The following RBFOX1 variants were observed in gnomAD, a reference collection of about 807,000 sequenced individuals.
The protein encoded by RBFOX1 is RNA binding fox-1 homolog 1.
A neutral mutation model predicts 57.7 loss-of-function variants in RBFOX1; 8 were observed. The observed-to-expected ratio is 0.14, with a 90% CI of 0.08 to 0.25. RBFOX1 has a LOEUF of 0.25. Among genes scored for constraint, RBFOX1 ranks in the 10% least tolerant of loss-of-function variants. The probability of loss-of-function intolerance (pLI) is 1.00; values close to 1 mark genes in which losing one functional copy is unlikely to be tolerated. For missense variants in RBFOX1, 611 were observed against 548.5 expected (o/e 1.11, Z -1.14); for synonymous variants, 326 against 222.4 (o/e 1.47, Z -4.15).
intron 4 of RBFOX1, among the ~76,000 whole-genome samples, chr16:5,927,926 G>A (rs746786147): frequency 4.6e-5 from 7 of 152,124 alleles, no homozygotes. Flanking sequence ...GAGTAGAATG[G>A]TGGTTACCAG....
chr16:6,305,299 A>C (rs4786851), intron 1 of RBFOX1, among the ~76,000 whole-genome samples: 52,998 of 152,090 alleles, frequency 0.35, 10,150 homozygotes, highest in Non-Finnish European at 0.43. Context: ...CATCATGCTT[A>C]ATCTGTGAAT....
rs570298652 is a variant in RBFOX1, at chr16:5,853,788, C to A, written c.319-13515C>A. Among the ~76,000 whole-genome samples the A allele has an allele frequency of 2.0e-5, 3 of 152,222 alleles. 1 individual carries two copies. The South Asian group carries it at 6.2e-4, about 32-fold the overall frequency. On this transcript the variant is annotated intron_variant, in intron 3 of 19. Transcript: ENST00000641259. ...TTCTTTTCTTTGAGACAGGGTCTCCCTCTGTCACCCAGGCTGGAGTATAGC... is the reference window on the plus strand; with the variant it reads ...TTCTTTTCTTTGAGACAGGGTCTCCATCTGTCACCCAGGCTGGAGTATAGC...
At chr16:6,733,117 C>T (rs945564745) in intron 3 of RBFOX1, among the ~76,000 whole-genome samples, 1 of 152,122 alleles carries the variant, frequency 6.6e-6, no homozygotes, top group Non-Finnish European at 1.5e-5. Flanking sequence ...TGAATATAAG[C>T]ACTGTTGAAT....
intron 2 of RBFOX1, among the ~76,000 whole-genome samples, chr16:6,506,508 G>C (rs2096094459): frequency 6.6e-6 from 1 of 152,100 alleles, no homozygotes; most frequent in South Asian, 2.1e-4. Flanking sequence ...AGATGCGTCA[G>C]GGTTAAGTGG....
At chr16:6,699,124 G>A (rs753382888) in intron 3 of RBFOX1, among the ~76,000 whole-genome samples, 8 of 152,068 alleles carry the variant, frequency 5.3e-5, no homozygotes, top group Non-Finnish European at 1.0e-4. Context: ...AAGAAACAGC[G>A]TCTTCAACCC....
chr16:6,083,077 C>G (rs995998710), intron 1 of RBFOX1, among the ~76,000 whole-genome samples: 2 of 152,074 alleles, frequency 1.3e-5, no homozygotes, highest in African/African-American at 4.8e-5. Context: ...TCTCGGCTCA[C>G]TGCAACCTCC....
intron 11 of RBFOX1, among the ~76,000 whole-genome samples, chr16:7,640,829 G>C (rs1311833390): frequency 2.0e-5 from 3 of 151,698 alleles, no homozygotes; most frequent in Admixed American, 1.3e-4. Context: ...AGTTTGAGAG[G>C]CTTATTTTGA....
chr16:6,761,184 T>G (rs1160815133), intron 3 of RBFOX1, among the ~76,000 whole-genome samples: 1 of 152,102 alleles, frequency 6.6e-6, no homozygotes, highest in Non-Finnish European at 1.5e-5. Context: ...GTACTTTATT[T>G]TAGAACTAAA....
intron 4 of RBFOX1, among the ~76,000 whole-genome samples, chr16:7,373,594 A>T (rs1030199407): frequency 1.3e-4 from 20 of 151,904 alleles, no homozygotes; most frequent in Admixed American, 1.1e-3. Flanking sequence ...GTCCACAGCC[A>T]GTCTATAATT....
At chr16:7,617,513 T>C (rs911219422) in intron 10 of RBFOX1, among the ~76,000 whole-genome samples, 2 of 152,152 alleles carry the variant, frequency 1.3e-5, no homozygotes, top group Admixed American at 6.5e-5. Flanking sequence ...AGAGTTTTTC[T>C]TTTGGTTTTT....
At chr16:5,978,127 C>G in intron 4 of RBFOX1, among the ~76,000 whole-genome samples, 1 of 43,200 alleles carries the variant, frequency 2.3e-5, no homozygotes, top group East Asian at 2.1e-3. Flanking sequence ...CCTGTCTCTT[C>G]CAAAAAAAAA....
At chr16:6,035,571 A>G (rs770811973) in intron 1 of RBFOX1, among the ~76,000 whole-genome samples, 6 of 152,196 alleles carry the variant, frequency 3.9e-5, no homozygotes, top group Non-Finnish European at 2.9e-5. Flanking sequence ...CAGCTTTTCT[A>G]TTCCTGCATT....
At chr16:7,055,233 C>T (rs1021524693) in intron 4 of RBFOX1, among the ~76,000 whole-genome samples, 1 of 152,112 alleles carries the variant, frequency 6.6e-6, no homozygotes, top group Non-Finnish European at 1.5e-5. Flanking sequence ...GTTTTTCTAA[C>T]TCAGCTGACT....
intron 3 of RBFOX1, among the ~76,000 whole-genome samples, chr16:6,984,011 G>T (rs758760613): frequency 1.3e-5 from 2 of 152,154 alleles, no homozygotes; most frequent in African/African-American, 4.8e-5. Context: ...ACTTTGGGAG[G>T]CCAAGGTGGG....
At chr16:7,478,047 A>G (rs2063111451) in intron 4 of RBFOX1, among the ~76,000 whole-genome samples, 1 of 152,222 alleles carries the variant, frequency 6.6e-6, no homozygotes, top group African/African-American at 2.4e-5. Context: ...ATTAACTCCA[A>G]ATCGAATAAG....
intron 4 of RBFOX1, among the ~76,000 whole-genome samples, chr16:7,478,285 G>A (rs182376174): frequency 2.2e-4 from 34 of 152,286 alleles, no homozygotes; most frequent in Non-Finnish European, 4.4e-4. Context: ...ACACAAAGAG[G>A]GCAGAGAGTC....
chr16:7,557,644 AAAAAG>A lies in RBFOX1; in HGVS notation c.271-22128_271-22124del, dbSNP rs1219251653. Among the ~76,000 whole-genome samples, 56 of 93,718 alleles carry A rather than the reference AAAAAG, an allele frequency of 6.0e-4. 4 individuals are homozygous for A. The highest frequency in any genetic ancestry group is 8.1e-4 in the Non-Finnish European group (31 of 38,414). 61.5% of individuals were successfully genotyped at this position (93,718 alleles called of 152,430 possible). On this transcript the variant is annotated intron_variant, in intron 5 of 15. Coordinates refer to ENST00000550418, the MANE Select transcript of RBFOX1 (RefSeq NM_018723.4). Reference sequence around the variant, plus strand: ...CAAAAAAAAAAAAAAAAAAAAAAAGAAAAAGAAAAAAAAAAAGCATTTTCTTAAAC... The same window carrying A: ...CAAAAAAAAAAAAAAAAAAAAAAAGAAAAAAAAAAAAGCATTTTCTTAAAC...
intron 2 of RBFOX1, among the ~76,000 whole-genome samples, chr16:6,363,855 G>A (rs994990610): frequency 6.6e-6 from 1 of 152,148 alleles, no homozygotes. Context: ...TTTGGCCTAG[G>A]AAATGAAAGA....
intron 2 of RBFOX1, among the ~76,000 whole-genome samples, chr16:5,506,064 C>G (rs371687239): frequency 1.3e-5 from 2 of 152,170 alleles, no homozygotes; most frequent in African/African-American, 4.8e-5. Flanking sequence ...GAAACCTCAC[C>G]AGAAATGAGG....
Sources: gnomAD v4.1 joint callset for allele counts (sites outside exome capture counted in the v4.1 genomes callset) on GRCh38, gnomAD v4.1.1 for gene constraint, MANE v1.5 for transcripts, NCBI Gene and HGNC (gene_info 2026-07-23, HGNC 2026-07-21) for gene names.